Variants in C20orf173 observed in about 807,000 individuals in gnomAD.
The protein encoded by C20orf173 is uncharacterized protein C20orf173.
C20orf173 carries 22 observed loss-of-function variants against 26.7 expected under a neutral mutation model. The observed-to-expected ratio is 0.82, with a 90% confidence interval of 0.59 to 1.18. The LOEUF is 1.18. Among genes scored for constraint, C20orf173 ranks in the 50% most tolerant of loss-of-function variants. The pLI is 0.00. For synonymous variants in C20orf173, 85 were observed against 96.4 expected (o/e 0.88, Z 0.69); for missense variants, 210 against 250.3 (o/e 0.84, Z 1.09).
chr20:35,521,799 C>G (rs139410559), downstream of C20orf173, among the ~76,000 whole-genome samples: 3,387 of 151,918 alleles, frequency 0.022, 141 homozygotes, highest in African/African-American at 0.077. Flanking sequence ...GTAGAGACGG[C>G]GTTTCTCCAT....
In C20orf173 at chr20:35,529,420, T is replaced by G; in HGVS notation, c.-47A>C. 1 of 1,481,320 alleles carries G rather than the reference T, an allele frequency of 6.8e-7. No individual in the cohort carries two copies. The highest frequency in any genetic ancestry group is 9.0e-7 in the Non-Finnish European group (1 of 1,114,280). The allele number at this position is 1,481,320 out of a possible 1,614,324, so 91.8% of individuals were successfully genotyped here. On this transcript the variant is annotated 5_prime_UTR_variant, in exon 2 of 6. Coordinates refer to ENST00000444723, the MANE Select transcript of C20orf173 (RefSeq NM_001145350.2). Reference sequence around the variant, plus strand: ...CCGTGGTGGGCCGTAGACTGGCTTCTCTACCTGTAAGGATGAGGGGCTGAG... The same window carrying G: ...CCGTGGTGGGCCGTAGACTGGCTTCGCTACCTGTAAGGATGAGGGGCTGAG...
chr20:35,521,763 C>T (rs1239072905), downstream of C20orf173, among the ~76,000 whole-genome samples: 1 of 152,074 alleles, frequency 6.6e-6, no homozygotes, highest in Non-Finnish European at 1.5e-5. Context: ...CATGCGCCAC[C>T]ACGCCTGGCT....
rs967299841 is a variant in C20orf173, at chr20:35,529,126, G to C, written c.248C>G (p.Thr83Ser). Residue 83 changes from threonine (T) to serine (S), a missense_variant, in exon 2 of 6, where the codon ACT (threonine) becomes AGT (serine). By Grantham distance (58) the Thr-to-Ser change is moderately conservative. Transcript: ENST00000444723. ...TCTTGTCCTCATCAGGTACCCCATA[G>C]TCTTCCTGGAGCACGCATCAAGCCA... ...WNWLDACSRK[T>S]MGYLMRTRES... is the part of the protein sequence containing the mutation. 1.3e-6 allele frequency: 2 copies of C among 1,551,732 alleles called. No homozygotes were observed. The highest frequency in any genetic ancestry group is 1.7e-4 in the Middle Eastern group (1 of 5,992).
At chr20:35,524,954 C>T (rs1406121993), downstream of C20orf173, among the ~76,000 whole-genome samples, 1 of 151,870 alleles carries the variant, frequency 6.6e-6, no homozygotes, top group Non-Finnish European at 1.5e-5. Flanking sequence ...CCACCTTGGC[C>T]TCCCAAAGTG....
At position 35,528,536 on chromosome 20, in the gene C20orf173, C is replaced by G; in HGVS notation, c.497G>C (p.Ser166Thr). 1 of 1,551,716 alleles carries G rather than the reference C, an allele frequency of 6.4e-7. No homozygotes were observed. Among genetic ancestry groups the G allele is most frequent in the Non-Finnish European group, 8.7e-7 (1 of 1,147,006 alleles). Residue 166 changes from serine (S) to threonine (T), a missense_variant, in exon 4 of 6, where the codon AGC becomes ACC. Coordinates refer to ENST00000444723, the MANE Select transcript of C20orf173 (RefSeq NM_001145350.2). ...DQYPVVFRNA[S>T]DQGSWMQLEM... Reference sequence around the variant, plus strand: ...CAGCTGCATCCAGGAGCCCTGGTCGCTGGCATTCCTGGGATAGATGAAGCA... The same window carrying G: ...CAGCTGCATCCAGGAGCCCTGGTCGGTGGCATTCCTGGGATAGATGAAGCA...
chr20:35,524,802 A>G (rs2064494167), downstream of C20orf173, among the ~76,000 whole-genome samples: 1 of 151,444 alleles, frequency 6.6e-6, no homozygotes. Flanking sequence ...GGGTTCAAGC[A>G]ATTCTCCTGT....
downstream of C20orf173, among the ~76,000 whole-genome samples, chr20:35,524,399 T>TA (rs2064491763): frequency 6.6e-6 from 1 of 152,190 alleles, no homozygotes; most frequent in African/African-American, 2.4e-5. Context: ...ATAAATTTCA[T>TA]AAAATTTTAC....
At chr20:35,525,696 T>A (rs2064498943), downstream of C20orf173, among the ~76,000 whole-genome samples, 1 of 152,182 alleles carries the variant, frequency 6.6e-6, no homozygotes, top group Non-Finnish European at 1.5e-5. Flanking sequence ...GTTCTTGGCT[T>A]TGCCCTGATG....
At chr20:35,525,888 G>A (rs1033241606), downstream of C20orf173, among the ~76,000 whole-genome samples, 1 of 152,170 alleles carries the variant, frequency 6.6e-6, no homozygotes, top group African/African-American at 2.4e-5. Context: ...GGTGAATTAT[G>A]CAGAAATTTT....
At chr20:35,528,153 G>A (rs570989258) in intron 5 of C20orf173, 80 bp downstream of exon 5, 24 of 1,233,784 alleles carry the variant, frequency 1.9e-5, no homozygotes, top group African/African-American at 1.6e-4. Flanking sequence ...ACCTGGGGAG[G>A]AAGGGGGAGG....
downstream of C20orf173, chr20:35,526,906 A>T (rs2064506477): frequency 6.6e-6 from 1 of 152,188 alleles, no homozygotes; most frequent in Non-Finnish European, 1.5e-5. Flanking sequence ...CAAAGAAATC[A>T]ACTCAAATAT....
In C20orf173 at chr20:35,527,076, G is replaced by A. The variant is rs1260634801; in HGVS notation, c.*200C>T. 3.3e-5 allele frequency: 5 copies of A among 152,228 alleles called. No individual in the cohort carries two copies. The highest frequency in any genetic ancestry group is 7.3e-5 in the Non-Finnish European group (5 of 68,078). The allele number at this position is 152,228 out of a possible 1,614,324, so 9.4% of individuals were successfully genotyped here. A position where few individuals can be genotyped will look rare whatever the true frequency, so the allele number is the denominator to read the frequency against. On this transcript the variant is annotated 3_prime_UTR_variant, in exon 6 of 6. Transcript: ENST00000444723. ...AATAGGATTTGTATGGACTCAGCTAGGCTGAGCTTGTGTGAATAGTGAGCT... is the reference window on the plus strand; with the variant it reads ...AATAGGATTTGTATGGACTCAGCTAAGCTGAGCTTGTGTGAATAGTGAGCT...
chr20:35,525,892 A>C (rs1443433427), downstream of C20orf173, among the ~76,000 whole-genome samples: 5 of 152,226 alleles, frequency 3.3e-5, no homozygotes, highest in Non-Finnish European at 5.9e-5. Context: ...AATTATGCAG[A>C]AATTTTCCAG....
intron 1 of C20orf173, 62 bp from the exon 2 acceptor site, chr20:35,529,486 C>T (rs1026504504): frequency 3.2e-6 from 3 of 946,780 alleles, no homozygotes; most frequent in Non-Finnish European, 4.6e-6. Context: ...TGTCGGCCTC[C>T]ACAACTCCCC....
chr20:35,528,686 C>T lies in C20orf173; in HGVS notation c.488+15G>A. On this transcript the variant is annotated intron_variant, in intron 3 of 5. Coordinates refer to ENST00000444723, the MANE Select transcript of C20orf173 (RefSeq NM_001145350.2). Reference sequence around the variant, plus strand: ...GGCCTGGCCTTCCTGCTCCCGCCCTCTCCCCAGCACCCACCTGAAAACCAC... The same window carrying T: ...GGCCTGGCCTTCCTGCTCCCGCCCTTTCCCCAGCACCCACCTGAAAACCAC... 6.6e-7 allele frequency: 1 copy of T among 1,525,540 alleles called. No individual in the cohort carries two copies. The highest frequency in any genetic ancestry group is 8.8e-7 in the Non-Finnish European group (1 of 1,133,398). The allele number at this position is 1,525,540 out of a possible 1,614,324, so 94.5% of individuals were successfully genotyped here.
downstream of C20orf173, chr20:35,523,023 G>A (rs1040219421): frequency 6.6e-6 from 1 of 152,442 alleles, no homozygotes; most frequent in Non-Finnish European, 1.5e-5. Context: ...CACAATATCA[G>A]AGCATCATTG....
chr20:35,521,834 C>G (rs1378839279), downstream of C20orf173: 1 of 152,390 alleles, frequency 6.6e-6, no homozygotes, highest in Admixed American at 6.5e-5. Flanking sequence ...TCTCGAACTC[C>G]TGACCTCAGG....
Position 35,528,827 on chromosome 20 carries a change from C to A in C20orf173, c.362G>T (p.Gly121Val). 1.3e-6 allele frequency: 2 copies of A among 1,551,510 alleles called. No individual in the cohort carries two copies. The change falls in exon 3 of 6, where the codon GGG becomes GTG. Residue 121 changes from glycine (G) to valine (V), a missense_variant. By Grantham distance (109) the Gly-to-Val change is moderately radical. Transcript: ENST00000444723. ...LGKLWRKLFK[G>V]IPRLSVSHFD... ...ATGGCTCACCGAGAGCCTGGGAATCCCTTTAAACAGCTTCCTCCACAATTT... is the reference window on the plus strand; with the variant it reads ...ATGGCTCACCGAGAGCCTGGGAATCACTTTAAACAGCTTCCTCCACAATTT...
downstream of C20orf173, chr20:35,526,830 C>T (rs913165554): frequency 5.3e-4 from 80 of 152,144 alleles, no homozygotes; most frequent in African/African-American, 1.9e-3. Context: ...AACTCAAAGT[C>T]TGGGTTTGCA....
Sources: allele counts gnomAD v4.1 joint callset (sites outside exome capture counted in the v4.1 genomes callset), GRCh38; gene constraint gnomAD v4.1.1; transcripts MANE v1.5; gene names NCBI Gene and HGNC (gene_info 2026-07-23, HGNC 2026-07-21).